FLACC1: variants seen among roughly 807,000 people sequenced by gnomAD.
The protein encoded by FLACC1 is flagellum associated containing coiled-coil domains 1.
Under a neutral mutation model 62.8 loss-of-function variants are expected in FLACC1, and 66 were observed. That is an observed-to-expected ratio of 1.05 (90% CI 0.86 to 1.29). The LOEUF (loss-of-function observed/expected upper bound fraction) is 1.29, where lower values mean the gene tolerates loss of function less well. Ranked by LOEUF, FLACC1 falls within the 50% of genes most tolerant of loss-of-function variation. The pLI is 0.00. For synonymous variants in FLACC1, 156 were observed against 161.0 expected (o/e 0.97, Z 0.24); for missense variants, 452 against 489.1 (o/e 0.92, Z 0.71).
chr2:201,332,726 CT>C lies in FLACC1; in HGVS notation c.525-1894del, dbSNP rs552954101. Reference sequence around the variant, plus strand: ...ATCATCTCCCTATTCCCCCCACCCCCTAGTCTCTTTAACCACCATTTTACTC... The same window carrying C: ...ATCATCTCCCTATTCCCCCCACCCCCAGTCTCTTTAACCACCATTTTACTC... On this transcript the variant is annotated intron_variant, in intron 7 of 14. Transcript: ENST00000392257. 1.7e-4 allele frequency among the ~76,000 whole-genome samples: 26 copies of C among 152,172 alleles called. No homozygotes were observed. In the Middle Eastern group the frequency reaches 0.01, roughly 60 times the overall value.
chr2:201,295,014 G>A (rs970185266), intron 12 of FLACC1, among the ~76,000 whole-genome samples: 2 of 152,108 alleles, frequency 1.3e-5, no homozygotes, highest in Admixed American at 1.3e-4. Flanking sequence ...AATAAAAGAG[G>A]ATACAAACAA....
chr2:201,342,228 A>G lies in FLACC1; in HGVS notation c.524+142T>C, dbSNP rs574694867. On this transcript the variant is annotated intron_variant, in intron 7 of 14. Coordinates refer to ENST00000392257, the MANE Select transcript of FLACC1 (RefSeq NM_001127391.3). ...TCAAGCCATTCTGCTCTTCAAAGAC[A>G]CGTGTCTTGTTCATCTCCCCCACCC... The G allele has an allele frequency of 6.3e-5, 47 of 742,698 alleles. 2 individuals are homozygous for G. In the South Asian group the frequency reaches 7.5e-4, roughly 12 times the overall value. 46.0% of individuals were successfully genotyped at this position (742,698 alleles called of 1,614,324 possible). A position where few individuals can be genotyped will look rare whatever the true frequency, so the allele number is the denominator to read the frequency against.
chr2:201,309,918 A>AG, intron 9 of FLACC1, among the ~76,000 whole-genome samples: 1 of 145,334 alleles, frequency 6.9e-6, no homozygotes, highest in Non-Finnish European at 1.5e-5. Context: ...AAAAAAAAAA[A>AG]AAAAAAAAAG....
At chr2:201,363,822 T>A in the FLACC1 span, among the ~76,000 whole-genome samples, 1 of 152,140 alleles carries the variant, frequency 6.6e-6, no homozygotes, top group Non-Finnish European at 1.5e-5. Flanking sequence ...GCCGCCCCCA[T>A]CCCTTTGCAG....
intron 9 of FLACC1, among the ~76,000 whole-genome samples, chr2:201,321,470 A>C (rs1218254899): frequency 6.6e-6 from 1 of 152,138 alleles, no homozygotes; most frequent in Admixed American, 6.5e-5. Flanking sequence ...CTTCAGCTCT[A>C]ACCCAACAGA....
rs948569196 is a variant in FLACC1, at chr2:201,346,840, C to G, written c.235-165G>C. On this transcript the variant is annotated intron_variant, in intron 4 of 14. Transcript: ENST00000392257. The surrounding 1 kb of genome is among the most constrained non-coding windows in gnomAD (Gnocchi z 4.0). ...CATTATAGCTCATTCTCACATCTCTCCGACTCAAATCTGATGCTTAGCAGG... is the reference window on the plus strand; with the variant it reads ...CATTATAGCTCATTCTCACATCTCTGCGACTCAAATCTGATGCTTAGCAGG... 2.6e-5 allele frequency among the ~76,000 whole-genome samples: 4 copies of G among 152,210 alleles called. No individual in the cohort carries two copies. Among genetic ancestry groups the G allele is most frequent in the African/African-American group, 9.6e-5 (4 of 41,456 alleles).
At chr2:201,358,168 C>T (rs1951147474), upstream of FLACC1, among the ~76,000 whole-genome samples, 1 of 152,142 alleles carries the variant, frequency 6.6e-6, no homozygotes, top group Non-Finnish European at 1.5e-5. Flanking sequence ...TTCTTATACT[C>T]AATACAACTT....
At chr2:201,296,642 C>A (rs958756333) in intron 12 of FLACC1, among the ~76,000 whole-genome samples, 1 of 151,948 alleles carries the variant, frequency 6.6e-6, no homozygotes, top group African/African-American at 2.4e-5. Context: ...TGCACATGTA[C>A]CCTAAAACTT....
chr2:201,293,416 A>T (rs1949783262), intron 12 of FLACC1, among the ~76,000 whole-genome samples: 2 of 152,244 alleles, frequency 1.3e-5, no homozygotes, highest in African/African-American at 2.4e-5. Context: ...CTGCTCCTGA[A>T]TGACTACTGG....
chr2:201,351,832 T>C (rs1349914867), intron 1 of FLACC1: 1 of 157,914 alleles, frequency 6.3e-6, no homozygotes, highest in Non-Finnish European at 1.4e-5. Flanking sequence ...TAGTCCCAGC[T>C]ACTCAGGAGG....
At chr2:201,335,435 C>A (rs895799568) in intron 7 of FLACC1, among the ~76,000 whole-genome samples, 2 of 152,056 alleles carry the variant, frequency 1.3e-5, no homozygotes, top group African/African-American at 4.8e-5. Context: ...ATTGAAAAGG[C>A]TATCTTTTTT....
intron 1 of FLACC1, among the ~76,000 whole-genome samples, chr2:201,356,283 C>T (rs1951115523): frequency 6.6e-6 from 1 of 152,162 alleles, no homozygotes; most frequent in African/African-American, 2.4e-5. Context: ...GCCTCAGCTT[C>T]CCCAGTAGCT....
rs1406977346 is a variant in FLACC1 at position 201,317,895 on chromosome 2, G to T, written c.676-8645C>A. The stretch of plus-strand genomic sequence containing the variant: ...ACACCATGGTACTGGTATAAATATA[G>T]GCACATAGACCAATGGAACAGAACA... On this transcript the variant is annotated intron_variant, in intron 9 of 14. Transcript: ENST00000392257. Among the ~76,000 whole-genome samples, 7 of 152,162 alleles carry T rather than the reference G, an allele frequency of 4.6e-5. No individual in the cohort carries two copies. The East Asian group carries it at 1.3e-3, about 29-fold the overall frequency.
intron 11 of FLACC1, among the ~76,000 whole-genome samples, chr2:201,305,825 A>G (rs1176711703): frequency 5.3e-5 from 8 of 152,012 alleles, no homozygotes; most frequent in Non-Finnish European, 5.9e-5. Context: ...TGAGCAAACT[A>G]TTGCAAGGAC....
chr2:201,338,088 G>A (rs1346945032), intron 7 of FLACC1, among the ~76,000 whole-genome samples: 1 of 152,106 alleles, frequency 6.6e-6, no homozygotes, highest in Non-Finnish European at 1.5e-5. Flanking sequence ...TCTGTGTTTT[G>A]CAGTTTTCCT....
intron 12 of FLACC1, among the ~76,000 whole-genome samples, chr2:201,298,989 T>C (rs1313541874): frequency 6.6e-6 from 1 of 152,234 alleles, no homozygotes; most frequent in Admixed American, 6.5e-5. Flanking sequence ...TCATTCAACA[T>C]TGAAGATCAC....
chr2:201,362,307 G>A (rs1260292079), upstream of FLACC1, among the ~76,000 whole-genome samples: 2 of 151,656 alleles, frequency 1.3e-5, no homozygotes, highest in Non-Finnish European at 2.9e-5. Flanking sequence ...ATTCTAAATG[G>A]ATACTGAGTT....
At chr2:201,339,899 C>T (rs1366279815) in intron 7 of FLACC1, among the ~76,000 whole-genome samples, 1 of 151,984 alleles carries the variant, frequency 6.6e-6, no homozygotes, top group Non-Finnish European at 1.5e-5. Context: ...TAGGTAGGTT[C>T]ACGGACCCAT....
At position 201,350,349 on chromosome 2, in the gene FLACC1, C is replaced by T. The variant is rs551994736; in HGVS notation, c.185+362G>A. Among the ~76,000 whole-genome samples, 38 of 152,256 alleles carry T rather than the reference C, an allele frequency of 2.5e-4. No individual in the cohort carries two copies. In the South Asian group the frequency reaches 5.6e-3, roughly 22 times the overall value. The stretch of plus-strand genomic sequence containing the variant: ...GGAATGAGCCAAGATGGCACCACTG[C>T]GCTCCAGCCTGGGTGACAGAGCAAG... On this transcript the variant is annotated intron_variant, in intron 3 of 14. Transcript: ENST00000392257.
Sources: allele counts gnomAD v4.1 joint callset (sites outside exome capture counted in the v4.1 genomes callset), GRCh38; gene constraint gnomAD v4.1.1; non-coding constraint Gnocchi (gnomAD v3.1); transcripts MANE v1.5; gene names NCBI Gene and HGNC (gene_info 2026-07-23, HGNC 2026-07-21).